DGKG: variants seen among roughly 807,000 people sequenced by gnomAD.
DGKG encodes the protein DAG kinase gamma.
Under a neutral mutation model 105.3 loss-of-function variants are expected in DGKG, and 78 were observed. That is an observed-to-expected ratio of 0.74 (90% CI 0.62 to 0.89). DGKG has a LOEUF of 0.89. Ranked by LOEUF, DGKG falls within the 40% of genes least tolerant of loss-of-function variation. The probability of loss-of-function intolerance (pLI) is 0.00; values close to 1 mark genes in which losing one functional copy is unlikely to be tolerated. For synonymous variants in DGKG, 346 were observed against 367.1 expected (o/e 0.94, Z 0.66); for missense variants, 958 against 1,020.1 (o/e 0.94, Z 0.83).
intron 1 of DGKG, among the ~76,000 whole-genome samples, chr3:186,341,325 G>A (rs1038805874): frequency 2.6e-5 from 4 of 152,194 alleles, no homozygotes; most frequent in African/African-American, 9.7e-5. Flanking sequence ...CATGTATTTA[G>A]TACAGGGTGA....
rs777617049 is a variant in DGKG, at chr3:186,210,724, C to T, written c.1917+1071G>A. The T allele has an allele frequency of 1.2e-5, 5 of 408,076 alleles. No homozygotes were observed. The highest frequency in any genetic ancestry group is 1.1e-4 in the African/African-American group (5 of 47,540). 25.3% of individuals were successfully genotyped at this position (408,076 alleles called of 1,614,324 possible). On this transcript the variant is annotated intron_variant, in intron 21 of 24. Transcript: ENST00000265022. This position sits in a 1 kb window ranked among gnomAD's most constrained non-coding sequence, Gnocchi z 5.2. ...CCAGGGAGGCCCAGGCCCCACTGGA[C>T]TGCAGTGCGGGCTTAGAGGCCAAGC...
intron 21 of DGKG, among the ~76,000 whole-genome samples, chr3:186,206,712 G>T (rs763357701): frequency 6.6e-6 from 1 of 152,158 alleles, no homozygotes; most frequent in Non-Finnish European, 1.5e-5. Flanking sequence ...GGATGGTGAG[G>T]GTGAGGGTGG....
In DGKG at chr3:186,361,142, A is replaced by T. The variant is rs1727211751; in HGVS notation, c.-249+804T>A. 6.6e-6 allele frequency among the ~76,000 whole-genome samples: 1 copy of T among 152,154 alleles called. No individual in the cohort carries two copies. The highest frequency in any genetic ancestry group is 1.9e-4 in the East Asian group (1 of 5,180). On this transcript the variant is annotated intron_variant, in intron 1 of 24. Coordinates refer to ENST00000265022, the MANE Select transcript of DGKG (RefSeq NM_001346.3). This position sits in a 1 kb window ranked among gnomAD's most constrained non-coding sequence, Gnocchi z 6.8. ...GGAGGTGGTTCTAGCTCTAGTCCCAAGCTTTCCACTGCAGTGATGGTGGGG... is the reference window on the plus strand; with the variant it reads ...GGAGGTGGTTCTAGCTCTAGTCCCATGCTTTCCACTGCAGTGATGGTGGGG...
chr3:186,243,896 T>TG (rs548174877), intron 19 of DGKG, among the ~76,000 whole-genome samples: 1 of 9,660 alleles, frequency 1.0e-4, no homozygotes, highest in African/African-American at 1.2e-4. Context: ...AATTTCTGTG[T>TG]TTTTTTTTTT....
chr3:186,237,578 A>G (rs976259471), intron 20 of DGKG, among the ~76,000 whole-genome samples: 1 of 152,136 alleles, frequency 6.6e-6, no homozygotes, highest in Non-Finnish European at 1.5e-5. Context: ...CAGTTCCTTC[A>G]TTTCTAAAAT....
chr3:186,196,919 A>G (rs909017707), intron 21 of DGKG, among the ~76,000 whole-genome samples: 1 of 152,188 alleles, frequency 6.6e-6, no homozygotes, highest in Non-Finnish European at 1.5e-5. Context: ...TGGAGAGGGA[A>G]GATGGGATCT....
intron 22 of DGKG, among the ~76,000 whole-genome samples, chr3:186,173,865 A>G (rs1438395048): frequency 6.6e-6 from 1 of 152,236 alleles, no homozygotes; most frequent in African/African-American, 2.4e-5. Context: ...TAACTGGTCC[A>G]TCTTCATCCC....
At chr3:186,245,293 A>G (rs1457391940) in intron 19 of DGKG, among the ~76,000 whole-genome samples, 1 of 152,248 alleles carries the variant, frequency 6.6e-6, no homozygotes, top group Non-Finnish European at 1.5e-5. Context: ...TGGCAAATAC[A>G]CAAAGTAGCA....
chr3:186,305,389 T>C (rs1191033523), intron 3 of DGKG, among the ~76,000 whole-genome samples: 2 of 152,214 alleles, frequency 1.3e-5, no homozygotes, highest in African/African-American at 4.8e-5. Flanking sequence ...ACGGTGACAC[T>C]GGCTTATTTG....
chr3:186,242,813 A>T (rs1355531855), intron 19 of DGKG, among the ~76,000 whole-genome samples: 3 of 151,498 alleles, frequency 2.0e-5, no homozygotes, highest in African/African-American at 7.3e-5. Flanking sequence ...TTGCTATTTC[A>T]CTCTAGCCCG....
chr3:186,326,608 C>T (rs991091162), intron 1 of DGKG, among the ~76,000 whole-genome samples: 12 of 152,112 alleles, frequency 7.9e-5, no homozygotes, highest in Admixed American at 7.9e-4. Context: ...CTACAACATA[C>T]TTATTTGCTT....
intron 17 of DGKG, among the ~76,000 whole-genome samples, chr3:186,257,023 T>C (rs886176876): frequency 2.6e-5 from 4 of 152,256 alleles, no homozygotes; most frequent in African/African-American, 9.6e-5. Flanking sequence ...CATTCCCTGC[T>C]GTATCTCCAG....
chr3:186,263,702 C>T (rs1467013669), intron 14 of DGKG, among the ~76,000 whole-genome samples: 1 of 149,988 alleles, frequency 6.7e-6, no homozygotes, highest in Admixed American at 6.6e-5. Flanking sequence ...AAAACATCAA[C>T]TGGATTTAAA....
intron 1 of DGKG, among the ~76,000 whole-genome samples, chr3:186,353,791 T>C (rs1726771867): frequency 6.6e-6 from 1 of 151,990 alleles, no homozygotes; most frequent in Non-Finnish European, 1.5e-5. Flanking sequence ...ATGAAGTGGG[T>C]GCTCAGCACA....
chr3:186,318,038 G>A (rs1724900446), intron 2 of DGKG, among the ~76,000 whole-genome samples: 2 of 152,080 alleles, frequency 1.3e-5, no homozygotes, highest in South Asian at 2.1e-4. Context: ...AGTTTCCCAC[G>A]AATTAGCATT....
chr3:186,203,307 G>C lies in DGKG; in HGVS notation c.1917+8488C>G, dbSNP rs1718564556. Among the ~76,000 whole-genome samples the C allele has an allele frequency of 6.6e-6, 1 of 152,212 alleles. No homozygotes were observed. Among genetic ancestry groups the C allele is most frequent in the South Asian group, 2.1e-4 (1 of 4,824 alleles). On this transcript the variant is annotated intron_variant, in intron 21 of 24. Transcript: ENST00000265022. The surrounding 1 kb of genome is among the most constrained non-coding windows in gnomAD (Gnocchi z 4.9). The stretch of plus-strand genomic sequence containing the variant: ...CACAGAGGTCCTCAGGAGGCCTGAT[G>C]ATAAAGAAACAAGGGCTAACATTAC...
chr3:186,180,156 T>G (rs1405025108), intron 22 of DGKG, among the ~76,000 whole-genome samples: 1 of 151,982 alleles, frequency 6.6e-6, no homozygotes, highest in Non-Finnish European at 1.5e-5. Context: ...CATGTGACTC[T>G]GGGTCTCCAG....
intron 2 of DGKG, among the ~76,000 whole-genome samples, chr3:186,309,775 A>G (rs1724428655): frequency 6.6e-6 from 1 of 152,190 alleles, no homozygotes; most frequent in Non-Finnish European, 1.5e-5. Context: ...ATATTCCACC[A>G]TTCACTGTAG....
At chr3:186,156,334 C>T (rs566741639) in intron 24 of DGKG, among the ~76,000 whole-genome samples, 45 of 152,000 alleles carry the variant, frequency 3.0e-4, no homozygotes, top group Admixed American at 1.0e-3. Context: ...TTTTCTGAAA[C>T]GCAATTTCTT....
Sources: allele counts gnomAD v4.1 joint callset (sites outside exome capture counted in the v4.1 genomes callset), GRCh38; gene constraint gnomAD v4.1.1; non-coding constraint Gnocchi (gnomAD v3.1); transcripts MANE v1.5; gene names NCBI Gene and HGNC (gene_info 2026-07-23, HGNC 2026-07-21).